The following PCMT1 variants were observed in gnomAD, a reference collection of about 807,000 sequenced individuals.
PCMT1 encodes the protein protein-L-isoaspartate(D-aspartate) O-methyltransferase.
PCMT1 carries 9 observed loss-of-function variants against 29.2 expected under a neutral mutation model. The observed-to-expected ratio is 0.31, with a 90% CI of 0.19 to 0.54. The LOEUF (loss-of-function observed/expected upper bound fraction) is 0.54, where lower values mean the gene tolerates loss of function less well. PCMT1 is among the 20% of genes least tolerant of loss of function. PCMT1 has a pLI of 0.95. For synonymous variants in PCMT1, 98 were observed against 97.5 expected (o/e 1.00, Z -0.03); for missense variants, 184 against 282.2 (o/e 0.65, Z 2.49).
rs1263666189 is a variant in PCMT1 at position 149,749,749 on chromosome 6, G to GGCAGCGGCGGCGACGGCAGTAACA, written c.-150_-127dup. ...GGGGATGCCGGGAGCGCGCAGTGGCGGCAGCGGCGGCGACGGCAGTAACAG... is the reference window on the plus strand; with the variant it reads ...GGGGATGCCGGGAGCGCGCAGTGGCGGCAGCGGCGGCGACGGCAGTAACAGCAGCGGCGGCGACGGCAGTAACAG... On this transcript the variant is annotated 5_prime_UTR_variant, in exon 1 of 8. Coordinates refer to ENST00000464889, the MANE Select transcript of PCMT1 (RefSeq NM_001360452.2). 6.5e-7 allele frequency: 1 copy of GGCAGCGGCGGCGACGGCAGTAACA among 1,545,498 alleles called. No homozygotes were observed. Among genetic ancestry groups the GGCAGCGGCGGCGACGGCAGTAACA allele is most frequent in the South Asian group, 1.2e-5 (1 of 83,856 alleles).
rs75425465 is a variant in PCMT1, at chr6:149,783,578, T to G, written c.193-6376T>G. On this transcript the variant is annotated intron_variant, in intron 3 of 7. Coordinates refer to ENST00000464889, the MANE Select transcript of PCMT1 (RefSeq NM_001360452.2). ...TTCTTAATGTGATGCTCTTAGGGAG[T>G]TGCATAGCAAGACTTGCGTGTGTTC... 5.9e-3 allele frequency among the ~76,000 whole-genome samples: 894 copies of G among 152,226 alleles called. 15 individuals are homozygous for G. Among genetic ancestry groups the G allele is most frequent in the African/African-American group, 0.021 (867 of 41,534 alleles).
intron 1 of PCMT1, among the ~76,000 whole-genome samples, chr6:149,753,368 T>C (rs929910295): frequency 9.7e-4 from 116 of 119,036 alleles, no homozygotes; most frequent in African/African-American, 3.6e-3. Flanking sequence ...GTTTCGCTCT[T>C]ATTGCCCAGG....
At chr6:149,808,668 G>C (rs1290070191) in intron 7 of PCMT1, among the ~76,000 whole-genome samples, 1 of 151,784 alleles carries the variant, frequency 6.6e-6, no homozygotes, top group Non-Finnish European at 1.5e-5. Context: ...ATGGAGTCTC[G>C]CTCTGTCGCT....
chr6:149,769,637 C>G (rs1787228685), intron 1 of PCMT1, among the ~76,000 whole-genome samples: 1 of 151,532 alleles, frequency 6.6e-6, no homozygotes, highest in Non-Finnish European at 1.5e-5. Flanking sequence ...CATGCTTTCT[C>G]ACCCAAGCTG....
chr6:149,775,789 C>T (rs1318055192), intron 3 of PCMT1, among the ~76,000 whole-genome samples: 10 of 152,168 alleles, frequency 6.6e-5, no homozygotes, highest in Non-Finnish European at 1.0e-4. Context: ...TGTATGCATA[C>T]ATTTGTGTTT....
chr6:149,793,774 C>T, intron 5 of PCMT1, 105 bp downstream of exon 5: 3 of 1,012,636 alleles, frequency 3.0e-6, no homozygotes, highest in Non-Finnish European at 4.0e-6. Context: ...TTTTTTTTTA[C>T]AATCACTTTT....
intron 1 of PCMT1, among the ~76,000 whole-genome samples, chr6:149,760,748 A>T (rs1786702382): frequency 6.6e-6 from 1 of 152,168 alleles, no homozygotes; most frequent in African/African-American, 2.4e-5. Flanking sequence ...GCTACTTGGG[A>T]GGCTGAGGCA....
chr6:149,773,883 A>G (rs1194494128), intron 3 of PCMT1, among the ~76,000 whole-genome samples: 1 of 152,176 alleles, frequency 6.6e-6, no homozygotes, highest in African/African-American at 2.4e-5. Flanking sequence ...TTCATTAGGG[A>G]GTGGTTAAGT....
intron 5 of PCMT1, chr6:149,795,240 T>C (rs564954565): frequency 3.3e-5 from 13 of 395,542 alleles, no homozygotes; most frequent in African/African-American, 1.5e-4. Flanking sequence ...GACAGCGCCA[T>C]GTTGCATGAG....
At position 149,749,974 on chromosome 6, in the gene PCMT1, C is replaced by G; in HGVS notation, c.55+18C>G. The G allele has an allele frequency of 6.2e-7, 1 of 1,604,350 alleles. No homozygotes were observed. The highest frequency in any genetic ancestry group is 8.5e-7 in the Non-Finnish European group (1 of 1,175,578). On this transcript the variant is annotated intron_variant, in intron 1 of 7. Coordinates refer to ENST00000464889, the MANE Select transcript of PCMT1 (RefSeq NM_001360452.2). ...TCTCCGCAGTAAGTGCCACCTCCGC[C>G]CGTTGTAGGGCAGCTGGGGCAGGCT...
chr6:149,778,225 A>AT (rs1321906309), intron 3 of PCMT1, among the ~76,000 whole-genome samples: 1 of 143,170 alleles, frequency 7.0e-6, no homozygotes, highest in Non-Finnish European at 1.5e-5. Flanking sequence ...TAACATTTTA[A>AT]TTTTTTATTA....
intron 3 of PCMT1, among the ~76,000 whole-genome samples, chr6:149,786,661 C>T (rs1255091767): frequency 2.0e-5 from 3 of 149,036 alleles, no homozygotes; most frequent in Admixed American, 6.7e-5. Flanking sequence ...CAGAGACGCT[C>T]CTCACCTCCC....
In PCMT1 at chr6:149,796,399, G is replaced by T; in HGVS notation, c.419-16G>T. On this transcript the variant is annotated splice_polypyrimidine_tract_variant and intron_variant, in intron 5 of 7. Transcript: ENST00000464889. ...GATCTAAACAGGTTTTTAAAGCATA[G>T]CTGTTTTTCTTTCAGTGGGGGATGG... 1.9e-6 allele frequency: 3 copies of T among 1,592,018 alleles called. No individual in the cohort carries two copies. The highest frequency in any genetic ancestry group is 2.6e-6 in the Non-Finnish European group (3 of 1,162,180).
Position 149,786,450 on chromosome 6 carries a change from T to G in PCMT1, c.193-3504T>G, listed in dbSNP as rs199587866. Among the ~76,000 whole-genome samples the G allele has an allele frequency of 2.5e-5, 2 of 78,556 alleles. 1 individual carries two copies. The highest frequency in any genetic ancestry group is 8.2e-4 in the East Asian group (2 of 2,452). 51.5% of individuals were successfully genotyped at this position (78,556 alleles called of 152,430 possible). A position where few individuals can be genotyped will look rare whatever the true frequency, so the allele number is the denominator to read the frequency against. On this transcript the variant is annotated intron_variant, in intron 3 of 7. Coordinates refer to ENST00000464889, the MANE Select transcript of PCMT1 (RefSeq NM_001360452.2). ...CCTCCCTCCCGGACGGGGTGGCTGC[T>G]GGGCGGAGACGCTCCTCACTTCCCA... is the stretch of plus-strand genomic sequence containing the variant.
At chr6:149,750,046 C>T (rs1169392448) in intron 1 of PCMT1, 90 bp downstream of exon 1, 11 of 1,456,234 alleles carry the variant, frequency 7.6e-6, no homozygotes, top group African/African-American at 1.4e-5. Context: ...TTCTGTCTGT[C>T]CCCGCGCGCC....
chr6:149,804,765 G>A (rs919442030), intron 7 of PCMT1, among the ~76,000 whole-genome samples: 7 of 152,012 alleles, frequency 4.6e-5, no homozygotes, highest in African/African-American at 1.7e-4. Flanking sequence ...GCCTCCCAAA[G>A]TGCTAGGATT....
intron 3 of PCMT1, among the ~76,000 whole-genome samples, chr6:149,783,269 A>G (rs1470449006): frequency 1.3e-5 from 2 of 152,030 alleles, no homozygotes; most frequent in Admixed American, 1.3e-4. Context: ...AATAGCTGGG[A>G]TTACAGGCAT....
intron 3 of PCMT1, among the ~76,000 whole-genome samples, chr6:149,779,052 C>A (rs921480974): frequency 2.6e-5 from 4 of 152,078 alleles, no homozygotes; most frequent in Non-Finnish European, 4.4e-5. Context: ...CCCACCCCCC[C>A]ACTCTGGTGC....
At chr6:149,777,315 A>G in intron 3 of PCMT1, among the ~76,000 whole-genome samples, 1 of 152,210 alleles carries the variant, frequency 6.6e-6, no homozygotes, top group East Asian at 1.9e-4. Context: ...TGAAAGTGGA[A>G]AATAGAATGC....
Sources: allele counts gnomAD v4.1 joint callset (sites outside exome capture counted in the v4.1 genomes callset), GRCh38; gene constraint gnomAD v4.1.1; transcripts MANE v1.5; gene names NCBI Gene and HGNC (gene_info 2026-07-23, HGNC 2026-07-21).